The following NEURL1B variants were observed in gnomAD, a reference collection of about 807,000 sequenced individuals.
NEURL1B encodes neuralized E3 ubiquitin protein ligase 1B.
NEURL1B carries 13 observed loss-of-function variants against 37.4 expected under a neutral mutation model. The observed-to-expected ratio is 0.35, with a 90% CI of 0.23 to 0.55. The LOEUF (loss-of-function observed/expected upper bound fraction) is 0.55. Among genes scored for constraint, NEURL1B ranks in the 20% least tolerant of loss-of-function variants. NEURL1B has a pLI of 0.89. For missense variants in NEURL1B, 790 were observed against 879.2 expected (o/e 0.90, Z 1.28); for synonymous variants, 432 against 426.6 (o/e 1.01, Z -0.16).
Position 172,689,225 on chromosome 5 carries a change from G to C in NEURL1B, c.*2300G>C, listed in dbSNP as rs909234744. On this transcript the variant is annotated 3_prime_UTR_variant, in exon 5 of 5. Transcript: ENST00000369800. ...AAAACCAGACGTTTCCTGATGCTCTGAGCGTTACTCAGTGCTACAGAGGAG... is the reference window on the plus strand; with the variant it reads ...AAAACCAGACGTTTCCTGATGCTCTCAGCGTTACTCAGTGCTACAGAGGAG... 3 of 152,252 alleles carry C rather than the reference G, an allele frequency of 2.0e-5. No homozygotes were observed. The highest frequency in any genetic ancestry group is 7.2e-5 in the African/African-American group (3 of 41,464). 9.4% of individuals were successfully genotyped at this position (152,252 alleles called of 1,614,324 possible). A position where few individuals can be genotyped will look rare whatever the true frequency, so the allele number is the denominator to read the frequency against.
chr5:172,677,450 A>C (rs1758252411), intron 2 of NEURL1B, among the ~76,000 whole-genome samples: 1 of 152,010 alleles, frequency 6.6e-6, no homozygotes, highest in Non-Finnish European at 1.5e-5. Flanking sequence ...GAGGGTCCCC[A>C]CTTTGCAAGT....
Position 172,683,770 on chromosome 5 carries a change from TG to T in NEURL1B, c.931del (p.Val311SerfsTer149). ...CAPRPDGGRT[L>X]VFSERPLRPG... is the part of the protein sequence containing the mutation. ...CCGCGGCCCGACGGCGGCCGCACGC[TG>T]GTCTTCTCCGAGCGCCCGCTGCGGC... On this transcript the variant is annotated frameshift_variant, in exon 3 of 5. Coordinates refer to ENST00000369800, the MANE Select transcript of NEURL1B (RefSeq NM_001142651.3). LOFTEE classifies it high-confidence loss of function. The surrounding 1 kb of genome is among the most constrained non-coding windows in gnomAD (Gnocchi z 5.6). 7.7e-7 allele frequency: 1 copy of T among 1,305,978 alleles called. No individual in the cohort carries two copies. The highest frequency in any genetic ancestry group is 3.8e-5 in the Admixed American group (1 of 26,260). The allele number at this position is 1,305,978 out of a possible 1,614,324, so 80.9% of individuals were successfully genotyped here.
At chr5:172,685,867 A>T (rs551064387) in intron 3 of NEURL1B, among the ~76,000 whole-genome samples, 3 of 152,174 alleles carry the variant, frequency 2.0e-5, no homozygotes, top group Admixed American at 2.0e-4. Context: ...CTGAACCACC[A>T]CTATTGAGAC....
rs927453217 is a variant in NEURL1B, at chr5:172,683,362, G to T, written c.578-57G>T. ...GGAGGCAGCGGGCGAGGAGGGGCTC[G>T]CGACCAGCCTGACGCGCGGCCTCTC... On this transcript the variant is annotated intron_variant, in intron 2 of 4. Transcript: ENST00000369800. This position sits in a 1 kb window ranked among gnomAD's most constrained non-coding sequence, Gnocchi z 5.6. 2.4e-5 allele frequency: 30 copies of T among 1,264,838 alleles called. No homozygotes were observed. Among genetic ancestry groups the T allele is most frequent in the Non-Finnish European group, 3.0e-5 (30 of 1,002,300 alleles). The allele number at this position is 1,264,838 out of a possible 1,614,324, so 78.4% of individuals were successfully genotyped here.
chr5:172,654,006 T>C (rs1757717186), intron 1 of NEURL1B, among the ~76,000 whole-genome samples: 1 of 152,188 alleles, frequency 6.6e-6, no homozygotes, highest in Non-Finnish European at 1.5e-5. Flanking sequence ...TTTTTTCCCC[T>C]AAAGATGATA....
Position 172,683,496 on chromosome 5 carries a change from C to T in NEURL1B, c.655C>T (p.His219Tyr). 6.7e-7 allele frequency: 1 copy of T among 1,501,936 alleles called. No individual in the cohort carries two copies. Among genetic ancestry groups the T allele is most frequent in the Middle Eastern group, 1.7e-4 (1 of 5,854 alleles). 93.0% of individuals were successfully genotyped at this position (1,501,936 alleles called of 1,614,324 possible). ...CAGCGCCTGCCTGCCGCCCAGCAGC[C>T]ACGACGCGGCCAACTTCGACAACAA... ...RFSACLPPSS[H>Y]DAANFDNNEL... is the part of the protein sequence containing the mutation. The change falls in exon 3 of 5, where the codon CAC becomes TAC. Residue 219 changes from histidine (H) to tyrosine (Y), a missense_variant. His to Tyr is a moderately conservative substitution (Grantham distance 83). Transcript: ENST00000369800. This position sits in a 1 kb window ranked among gnomAD's most constrained non-coding sequence, Gnocchi z 5.6.
intron 2 of NEURL1B, among the ~76,000 whole-genome samples, chr5:172,680,441 G>A (rs900851608): frequency 6.6e-6 from 1 of 152,216 alleles, no homozygotes; most frequent in South Asian, 2.1e-4. Flanking sequence ...AGCAGGGCAA[G>A]TAAGGCCAGC....
In NEURL1B at chr5:172,680,936, A is replaced by G. The variant is rs139231870; in HGVS notation, c.578-2483A>G. Reference sequence around the variant, plus strand: ...AACCACCTGAGACTGGATAATTTGTAAAAGAAAGAGGTTTAATTAGCTCTT... The same window carrying G: ...AACCACCTGAGACTGGATAATTTGTGAAAGAAAGAGGTTTAATTAGCTCTT... On this transcript the variant is annotated intron_variant, in intron 2 of 4. Coordinates refer to ENST00000369800, the MANE Select transcript of NEURL1B (RefSeq NM_001142651.3). Among the ~76,000 whole-genome samples, 115 of 152,356 alleles carry G rather than the reference A, an allele frequency of 7.5e-4. No homozygotes were observed. In the Middle Eastern group the frequency reaches 0.01, roughly 14 times the overall value.
chr5:172,681,405 G>A (rs1348293140), intron 2 of NEURL1B, among the ~76,000 whole-genome samples: 2 of 152,158 alleles, frequency 1.3e-5, no homozygotes, highest in African/African-American at 4.8e-5. Context: ...GTAGACAAAT[G>A]CACACATATG....
intron 2 of NEURL1B, among the ~76,000 whole-genome samples, chr5:172,680,110 G>A (rs1758319701): frequency 6.6e-6 from 1 of 152,176 alleles, no homozygotes; most frequent in African/African-American, 2.4e-5. Flanking sequence ...CACAGTGAGT[G>A]CTCTATACGT....
At chr5:172,642,856 G>A (rs753171612) in intron 1 of NEURL1B, among the ~76,000 whole-genome samples, 1 of 152,252 alleles carries the variant, frequency 6.6e-6, no homozygotes, top group African/African-American at 2.4e-5. Flanking sequence ...GGTTGGGGGA[G>A]AACCCACCCG....
In NEURL1B at chr5:172,667,275, T is replaced by TAAAAAAAAAAAAAA. The variant is rs55663413; in HGVS notation, c.32-2502_32-2489dup. 6.9e-4 allele frequency among the ~76,000 whole-genome samples: 50 copies of TAAAAAAAAAAAAAA among 72,274 alleles called. 4 individuals carry two copies. The highest frequency in any genetic ancestry group is 5.9e-3 in the South Asian group (12 of 2,024). The allele number at this position is 72,274 out of a possible 152,430, so 47.4% of individuals were successfully genotyped here. A position where few individuals can be genotyped will look rare whatever the true frequency, so the allele number is the denominator to read the frequency against. ...CAACATGGTGAAACCCTGTCTCTAC[T>TAAAAAAAAAAAAAA]AAAAAAAAAAAAAAAAAAAAATTAG... On this transcript the variant is annotated intron_variant, in intron 1 of 4. Transcript: ENST00000369800.
rs779071204 is a variant in NEURL1B at position 172,691,061 on chromosome 5, C to T, written c.*4136C>T. The T allele has an allele frequency of 2.6e-5, 4 of 152,196 alleles. No individual in the cohort carries two copies. Among genetic ancestry groups the T allele is most frequent in the Non-Finnish European group, 4.4e-5 (3 of 68,050 alleles). 9.4% of individuals were successfully genotyped at this position (152,196 alleles called of 1,614,324 possible). A position where few individuals can be genotyped will look rare whatever the true frequency, so the allele number is the denominator to read the frequency against. On this transcript the variant is annotated 3_prime_UTR_variant, in exon 5 of 5. Coordinates refer to ENST00000369800, the MANE Select transcript of NEURL1B (RefSeq NM_001142651.3). ...GTATTTAACTGTCTCGCTGTCTTAT[C>T]CGAGTCCCTAATGAAACGACTTGTG...
At chr5:172,678,082 T>C (rs1581436450) in intron 2 of NEURL1B, among the ~76,000 whole-genome samples, 1 of 152,128 alleles carries the variant, frequency 6.6e-6, no homozygotes, top group Admixed American at 6.5e-5. Flanking sequence ...TTGTGGCTCC[T>C]GGGCCTTCCC....
intron 2 of NEURL1B, among the ~76,000 whole-genome samples, chr5:172,682,563 C>T (rs867901881): frequency 4.6e-5 from 7 of 151,996 alleles, no homozygotes; most frequent in African/African-American, 1.2e-4. Flanking sequence ...GTGACAAGAG[C>T]GGAACTCTAT....
intron 3 of NEURL1B, among the ~76,000 whole-genome samples, chr5:172,684,967 C>T (rs1325693105): frequency 6.6e-6 from 1 of 152,190 alleles, no homozygotes; most frequent in African/African-American, 2.4e-5. Context: ...CATATGTTCC[C>T]TCATTGAATT....
intron 1 of NEURL1B, among the ~76,000 whole-genome samples, chr5:172,668,411 C>T (rs117287207): frequency 0.012 from 1,773 of 152,300 alleles, 26 homozygotes; most frequent in East Asian, 0.063. Flanking sequence ...AGCTTCCAGG[C>T]GTGATTTCCT....
chr5:172,666,413 GAGTA>G (rs1758017313), intron 1 of NEURL1B, among the ~76,000 whole-genome samples: 1 of 152,216 alleles, frequency 6.6e-6, no homozygotes, highest in African/African-American at 2.4e-5. Context: ...GACCAACCTA[GAGTA>G]AGTGTCTGAA....
chr5:172,656,688 T>C, intron 1 of NEURL1B: 1 of 1,475,860 alleles, frequency 6.8e-7, no homozygotes, highest in Non-Finnish European at 9.4e-7. Flanking sequence ...CAGTGGCTTC[T>C]TCTTGCCACC....
Sources: gnomAD v4.1 joint callset for allele counts (sites outside exome capture counted in the v4.1 genomes callset) on GRCh38, gnomAD v4.1.1 for gene constraint, Gnocchi (gnomAD v3.1) non-coding constraint, MANE v1.5 for transcripts, NCBI Gene and HGNC (gene_info 2026-07-23, HGNC 2026-07-21) for gene names.